Variants in LRP1B observed in about 807,000 individuals in gnomAD.
LRP1B encodes the protein LDL receptor related protein 1B, also known as low-density lipoprotein receptor-related protein 1B.
In LRP1B, 217 loss-of-function variants were observed where a neutral mutation model predicts 556.6. The observed-to-expected ratio is 0.39, with a 90% CI of 0.35 to 0.44. The LOEUF (loss-of-function observed/expected upper bound fraction) is 0.44, where lower values mean the gene tolerates loss of function less well. LRP1B is among the 20% of genes least tolerant of loss of function. The pLI is 1.00. For missense variants in LRP1B, 5,053 were observed against 5,620.8 expected (o/e 0.90, Z 3.23); for synonymous variants, 2,047 against 1,865.8 (o/e 1.10, Z -2.50).
At chr2:141,300,732 C>T (rs1686361401) in intron 3 of LRP1B, among the ~76,000 whole-genome samples, 1 of 152,138 alleles carries the variant, frequency 6.6e-6, no homozygotes, top group African/African-American at 2.4e-5. Context: ...CCTTTGCTTC[C>T]ACCATGATTG....
chr2:141,403,344 A>T (rs1690513930), intron 3 of LRP1B, among the ~76,000 whole-genome samples: 1 of 152,128 alleles, frequency 6.6e-6, no homozygotes, highest in South Asian at 2.1e-4. Flanking sequence ...ACTATTAAAA[A>T]AAACCCTGCA....
intron 1 of LRP1B, among the ~76,000 whole-genome samples, chr2:142,044,579 A>G (rs1201438374): frequency 6.6e-6 from 1 of 151,808 alleles, no homozygotes. Context: ...CAACTATTTT[A>G]TGTAACATAA....
At chr2:140,369,869 G>A (rs1682917075) in intron 71 of LRP1B, among the ~76,000 whole-genome samples, 1 of 151,916 alleles carries the variant, frequency 6.6e-6, no homozygotes, top group Admixed American at 6.6e-5. Flanking sequence ...CTTAAATCAT[G>A]TGGCAATATC....
chr2:141,035,209 G>A (rs1698496476), intron 11 of LRP1B, among the ~76,000 whole-genome samples: 1 of 151,598 alleles, frequency 6.6e-6, no homozygotes, highest in African/African-American at 2.4e-5. Flanking sequence ...CTGTTGTGGG[G>A]TGGGGGAAGG....
At chr2:141,081,019 G>A (rs1699908801) in intron 7 of LRP1B, among the ~76,000 whole-genome samples, 1 of 152,084 alleles carries the variant, frequency 6.6e-6, no homozygotes, top group Non-Finnish European at 1.5e-5. Context: ...TTTTTGTAGT[G>A]ATGGGGTTTT....
intron 65 of LRP1B, among the ~76,000 whole-genome samples, chr2:140,443,580 T>C (rs1413670051): frequency 6.6e-6 from 1 of 152,198 alleles, no homozygotes; most frequent in Non-Finnish European, 1.5e-5. Context: ...AAAACAGAAA[T>C]GTTGACAGCG....
At chr2:141,419,507 G>A (rs1351315799) in intron 3 of LRP1B, among the ~76,000 whole-genome samples, 1 of 152,062 alleles carries the variant, frequency 6.6e-6, no homozygotes, top group Non-Finnish European at 1.5e-5. Flanking sequence ...AATCTTGGTA[G>A]GTAGTAGGCT....
chr2:141,904,678 C>T (rs1699706960), intron 1 of LRP1B, among the ~76,000 whole-genome samples: 2 of 151,712 alleles, frequency 1.3e-5, no homozygotes, highest in South Asian at 4.2e-4. Flanking sequence ...AAGAATGAAG[C>T]AAGAGAGAGG....
At chr2:140,575,937 A>G (rs1409688431) in intron 43 of LRP1B, among the ~76,000 whole-genome samples, 1 of 147,892 alleles carries the variant, frequency 6.8e-6, no homozygotes, top group Non-Finnish European at 1.5e-5. Context: ...ACAAAAAACA[A>G]AAAACAAAAA....
chr2:140,442,881 A>C (rs1686491145), intron 65 of LRP1B, among the ~76,000 whole-genome samples: 1 of 152,202 alleles, frequency 6.6e-6, no homozygotes, highest in Non-Finnish European at 1.5e-5. Context: ...ACTGTTGATT[A>C]GATATTTGAA....
At chr2:141,139,781 ATG>A (rs58413685) in intron 7 of LRP1B, among the ~76,000 whole-genome samples, 12,408 of 148,000 alleles carry the variant, frequency 0.084, 602 homozygotes, top group Middle Eastern at 0.18. Flanking sequence ...CATTGGAAAA[ATG>A]TGTGTGTGTG....
At chr2:140,540,089 T>TA (rs960366942) in intron 45 of LRP1B, among the ~76,000 whole-genome samples, 2 of 151,924 alleles carry the variant, frequency 1.3e-5, no homozygotes, top group African/African-American at 4.8e-5. Context: ...GGAAAGAGAG[T>TA]AAAAATCGAC....
At chr2:141,638,232 T>C (rs1689172710) in intron 2 of LRP1B, among the ~76,000 whole-genome samples, 1 of 152,034 alleles carries the variant, frequency 6.6e-6, no homozygotes, top group African/African-American at 2.4e-5. Context: ...CTCTACTCTG[T>C]GTGGCTCCCT....
At chr2:140,361,379 T>TATATATATATAA (rs1190166439) in intron 72 of LRP1B, among the ~76,000 whole-genome samples, 4 of 130,576 alleles carry the variant, frequency 3.1e-5, no homozygotes, top group East Asian at 2.2e-4. Context: ...TATATATATA[T>TATATATATATAA]AACAAAAATA....
intron 41 of LRP1B, among the ~76,000 whole-genome samples, chr2:140,693,561 A>C (rs1398841137): frequency 6.6e-6 from 1 of 152,194 alleles, no homozygotes; most frequent in African/African-American, 2.4e-5. Context: ...GACTTTTTGC[A>C]TCATGAAAGT....
At chr2:141,811,049 G>A (rs769231879) in intron 1 of LRP1B, among the ~76,000 whole-genome samples, 13 of 151,100 alleles carry the variant, frequency 8.6e-5, no homozygotes, top group South Asian at 2.1e-4. Flanking sequence ...TGACTAAAAC[G>A]TCTGCTATTT....
At chr2:141,922,896 T>C (rs567861340) in intron 1 of LRP1B, among the ~76,000 whole-genome samples, 1 of 152,132 alleles carries the variant, frequency 6.6e-6, no homozygotes, top group Admixed American at 6.5e-5. Flanking sequence ...ACTCAGGAGT[T>C]CAAGACCAGC....
chr2:141,226,179 C>G (rs1336176089), intron 6 of LRP1B, among the ~76,000 whole-genome samples: 1 of 151,458 alleles, frequency 6.6e-6, no homozygotes, highest in East Asian at 1.9e-4. Context: ...TCAGCATATT[C>G]AATAAAGTTA....
At chr2:141,951,431 TAC>T (rs1353818814) in intron 1 of LRP1B, among the ~76,000 whole-genome samples, 1 of 152,168 alleles carries the variant, frequency 6.6e-6, no homozygotes, top group Non-Finnish European at 1.5e-5. Context: ...GGTGAGAAAG[TAC>T]AGTATTTGGT....
Sources: gnomAD v4.1 joint callset for allele counts (sites outside exome capture counted in the v4.1 genomes callset) on GRCh38, gnomAD v4.1.1 for gene constraint, MANE v1.5 for transcripts, NCBI Gene and HGNC (gene_info 2026-07-23, HGNC 2026-07-21) for gene names.